Variants in DOCK1 observed in about 807,000 individuals in gnomAD.
The protein encoded by DOCK1 is dedicator of cytokinesis protein 1.
Under a neutral mutation model 262.7 loss-of-function variants are expected in DOCK1, and 138 were observed. The observed-to-expected ratio is 0.53, with a 90% CI of 0.46 to 0.61. The LOEUF is 0.61. Ranked by LOEUF, DOCK1 falls within the 20% of genes least tolerant of loss-of-function variation. DOCK1 has a pLI of 0.00. For missense variants in DOCK1, 1,908 were observed against 2,370.7 expected, an observed-to-expected ratio of 0.80 and a Z score of 4.05; for synonymous variants, 866 against 867.4, an observed-to-expected ratio of 1.00 and a Z score of 0.03.
chr10:126,965,891 G>A lies in DOCK1; in HGVS notation c.47-4811G>A, dbSNP rs900461747. ...TTATCATTTCAGTATCTTCCTTCCA[G>A]CCATTTAAAACTGTATGGTATATTA... is the stretch of plus-strand genomic sequence containing the variant. On this transcript the variant is annotated intron_variant, in intron 1 of 51. Transcript: ENST00000623213. 6.6e-5 allele frequency among the ~76,000 whole-genome samples: 10 copies of A among 152,150 alleles called. No individual in the cohort carries two copies. The South Asian group carries it at 1.9e-3, about 28-fold the overall frequency.
At chr10:127,354,243 G>T (rs905273169) in intron 31 of DOCK1, among the ~76,000 whole-genome samples, 1 of 152,174 alleles carries the variant, frequency 6.6e-6, no homozygotes. Context: ...AAGAACTTTG[G>T]AAGAGGTCTG....
chr10:127,372,749 C>G lies in DOCK1; in HGVS notation c.3433-1032C>G, dbSNP rs192623083. Among the ~76,000 whole-genome samples, 191 of 152,264 alleles carry G rather than the reference C, an allele frequency of 1.3e-3. 1 individual carries two copies. Among genetic ancestry groups the G allele is most frequent in the African/African-American group, 4.3e-3 (178 of 41,544 alleles). ...ATGGCTTTAGAGAGATCCTGGAGACCCTTGCATACATGCCCATGGCGTACT... is the reference window on the plus strand; with the variant it reads ...ATGGCTTTAGAGAGATCCTGGAGACGCTTGCATACATGCCCATGGCGTACT... On this transcript the variant is annotated intron_variant, in intron 33 of 51. Coordinates refer to ENST00000623213, the MANE Select transcript of DOCK1 (RefSeq NM_001290223.2).
intron 7 of DOCK1, 53 bp downstream of exon 7, chr10:126,996,936 A>C (rs1040108691): frequency 3.5e-5 from 53 of 1,502,564 alleles, no homozygotes; most frequent in Non-Finnish European, 4.7e-5. Flanking sequence ...ATAAGTTTTC[A>C]ACATTAGTAA....
chr10:126,964,338 G>T (rs972173002), intron 1 of DOCK1, among the ~76,000 whole-genome samples: 2 of 152,326 alleles, frequency 1.3e-5, no homozygotes, highest in Middle Eastern at 3.4e-3. Context: ...GTGGACCAGC[G>T]CAGGGGCCTA....
chr10:127,206,627 C>G (rs1229661280), intron 27 of DOCK1, among the ~76,000 whole-genome samples: 2 of 152,166 alleles, frequency 1.3e-5, no homozygotes, highest in Non-Finnish European at 2.9e-5. Flanking sequence ...CCTCCACCTC[C>G]TGGATGGCAT....
At chr10:126,941,648 G>A (rs1209721887) in intron 1 of DOCK1, among the ~76,000 whole-genome samples, 3 of 152,066 alleles carry the variant, frequency 2.0e-5, no homozygotes, top group Non-Finnish European at 2.9e-5. Flanking sequence ...CCCGCTACTC[G>A]GGAGGCTGAG....
chr10:127,176,447 C>T lies in DOCK1; in HGVS notation c.2847+48683C>T, dbSNP rs1194424919. The stretch of plus-strand genomic sequence containing the variant: ...GAGGTGTCAGTGGGACAGAAATACA[C>T]ACTCAAGCACCGGCCGCACAAACTT... On this transcript the variant is annotated intron_variant, in intron 27 of 51. Coordinates refer to ENST00000623213, the MANE Select transcript of DOCK1 (RefSeq NM_001290223.2). This position sits in a 1 kb window ranked among gnomAD's most constrained non-coding sequence, Gnocchi z 4.4. 2.0e-6 allele frequency: 3 copies of T among 1,473,526 alleles called. No homozygotes were observed. The highest frequency in any genetic ancestry group is 2.0e-5 in the Admixed American group (1 of 49,020). 91.3% of individuals were successfully genotyped at this position (1,473,526 alleles called of 1,614,324 possible).
Position 127,440,801 on chromosome 10 carries a change from C to G in DOCK1, c.5259+1576C>G, listed in dbSNP as rs1009694433. Among the ~76,000 whole-genome samples the G allele has an allele frequency of 2.6e-5, 4 of 152,100 alleles. 1 individual carries two copies. In the South Asian group the frequency reaches 8.3e-4, roughly 32 times the overall value. ...GCTGGAGAATTCCCATGAGGGTGGC[C>G]GAGGATGTCAGACCAGGGGGGCACT... On this transcript the variant is annotated intron_variant, in intron 49 of 51. Transcript: ENST00000623213.
chr10:127,200,417 CGTTTTT>C (rs922760074), intron 27 of DOCK1, among the ~76,000 whole-genome samples: 3 of 152,082 alleles, frequency 2.0e-5, no homozygotes, highest in Non-Finnish European at 4.4e-5. Context: ...TATCTGTTTT[CGTTTTT>C]GTTTTTGTTT....
Position 127,409,167 on chromosome 10 carries a change from C to T in DOCK1, c.4253C>T (p.Ser1418Phe). 1 of 1,613,724 alleles carries T rather than the reference C, an allele frequency of 6.2e-7. No individual in the cohort carries two copies. Among genetic ancestry groups the T allele is most frequent in the Admixed American group, 1.7e-5 (1 of 59,970 alleles). ...CCACCAGGCGACGATATTAAAAACT[C>T]TCCTGGCCAGTGTATCCTTTAAGAC... is the stretch of plus-strand genomic sequence containing the variant. ...TSPPGDDIKN[S>F]PGQYIQCFTV... The change falls in exon 41 of 52, where the codon TCT (serine) becomes TTT (phenylalanine). Residue 1418 changes from serine (S) to phenylalanine (F), a missense_variant. This residue lies in a region of DOCK1 where 267 missense variants were observed against 366.3 expected (regional missense o/e 0.73). Coordinates refer to ENST00000623213, the MANE Select transcript of DOCK1 (RefSeq NM_001290223.2).
At chr10:126,953,662 A>C (rs1287495688) in intron 1 of DOCK1, among the ~76,000 whole-genome samples, 7 of 151,882 alleles carry the variant, frequency 4.6e-5, no homozygotes, top group African/African-American at 1.7e-4. Flanking sequence ...CCTGGGAATG[A>C]GTGTGGGTAG....
rs141645832 is a variant in DOCK1, at chr10:127,231,137, T to G, written c.2848-16871T>G. ...CAACCAGAAATTTTTGTTTTAAGAC[T>G]CATCTGGTAATTCTTTTCTATCAGA... On this transcript the variant is annotated intron_variant, in intron 27 of 51. Transcript: ENST00000623213. 6.1e-3 allele frequency among the ~76,000 whole-genome samples: 922 copies of G among 152,254 alleles called. 15 individuals carry two copies. Among genetic ancestry groups the G allele is most frequent in the African/African-American group, 0.021 (877 of 41,558 alleles).
rs1172719033 is a variant in DOCK1, at chr10:127,384,819, C to A, written c.3837C>A (p.Leu1279=). 6.2e-7 allele frequency: 1 copy of A among 1,605,022 alleles called. No homozygotes were observed. The highest frequency in any genetic ancestry group is 8.5e-7 in the Non-Finnish European group (1 of 1,177,192). Residue 1279 remains leucine (L), a synonymous_variant, in exon 38 of 52, where the codon CTC becomes CTA. Transcript: ENST00000623213. The part of the protein sequence containing the change: ...KWSEDVCVAH[L]TQRDGYQATT... ...CGGAGGATGTGTGTGTGGCCCACCTCACCCAGCGGGACGGGTACCAGGCCA... is the reference window on the plus strand; with the variant it reads ...CGGAGGATGTGTGTGTGGCCCACCTAACCCAGCGGGACGGGTACCAGGCCA...
chr10:127,410,701 A>G (rs11017944), intron 42 of DOCK1, 139 bp from the exon 43 acceptor site: 165,098 of 684,210 alleles, frequency 0.24, 21,139 homozygotes, highest in African/African-American at 0.33. Context: ...GGGAGAGGAC[A>G]CCAAGGCGAT....
chr10:126,974,554 G>A (rs1408086045), intron 2 of DOCK1, among the ~76,000 whole-genome samples: 1 of 152,094 alleles, frequency 6.6e-6, no homozygotes, highest in Non-Finnish European at 1.5e-5. Flanking sequence ...AGTTAATTCT[G>A]TAACAGCTGT....
chr10:127,385,410 T>G (rs985129859), intron 38 of DOCK1, among the ~76,000 whole-genome samples: 2 of 149,600 alleles, frequency 1.3e-5, no homozygotes, highest in Non-Finnish European at 3.0e-5. Flanking sequence ...TTCTTCTGAT[T>G]AAGGTATGCA....
intron 29 of DOCK1, among the ~76,000 whole-genome samples, chr10:127,337,099 G>A (rs55702341): frequency 9.2e-5 from 14 of 152,160 alleles, no homozygotes; most frequent in African/African-American, 3.4e-4. Flanking sequence ...AAAAATTAAG[G>A]GGAAAAAAAA....
chr10:127,211,615 A>AT (rs1209088016), intron 27 of DOCK1, among the ~76,000 whole-genome samples: 10 of 152,316 alleles, frequency 6.6e-5, no homozygotes, highest in Non-Finnish European at 1.5e-4. Flanking sequence ...GAAGACATTG[A>AT]TTTTTTCTTC....
intron 19 of DOCK1, among the ~76,000 whole-genome samples, chr10:127,041,780 T>G (rs2044030619): frequency 6.6e-6 from 1 of 152,156 alleles, no homozygotes; most frequent in South Asian, 2.1e-4. Flanking sequence ...CTCATGATGG[T>G]TTCCCTTTGT....
Sources: allele counts gnomAD v4.1 joint callset (sites outside exome capture counted in the v4.1 genomes callset), GRCh38; gene constraint gnomAD v4.1.1; regional missense constraint gnomAD v4.1.1; non-coding constraint Gnocchi (gnomAD v3.1); transcripts MANE v1.5; gene names NCBI Gene and HGNC (gene_info 2026-07-23, HGNC 2026-07-21).